The following ARHGAP26 variants were observed in gnomAD, a reference collection of about 807,000 sequenced individuals.
ARHGAP26 encodes the protein Rho GTPase activating protein 26.
A neutral mutation model predicts 104.8 loss-of-function variants in ARHGAP26; 38 were observed. The observed-to-expected ratio is 0.36, with a 90% CI of 0.28 to 0.48. The LOEUF (loss-of-function observed/expected upper bound fraction) is 0.48. Ranked by LOEUF, ARHGAP26 falls within the 20% of genes least tolerant of loss-of-function variation. The pLI is 0.99. For missense variants in ARHGAP26, 704 were observed against 947.9 expected (o/e 0.74, Z 3.38); for synonymous variants, 341 against 340.0 (o/e 1.00, Z -0.03).
intron 20 of ARHGAP26, among the ~76,000 whole-genome samples, chr5:143,196,351 G>A (rs558364198): frequency 2.1e-4 from 32 of 151,814 alleles, no homozygotes; most frequent in African/African-American, 6.3e-4. Context: ...CTTGTTTTTC[G>A]CGGTAGTCAT....
chr5:142,893,790 AGAT>A (rs1160285682), intron 5 of ARHGAP26, among the ~76,000 whole-genome samples: 1 of 152,196 alleles, frequency 6.6e-6, no homozygotes, highest in Non-Finnish European at 1.5e-5. Context: ...AACTGGCTTG[AGAT>A]GATATCTCAT....
At chr5:143,084,905 C>T (rs546885885) in intron 17 of ARHGAP26, among the ~76,000 whole-genome samples, 168 of 151,922 alleles carry the variant, frequency 1.1e-3, no homozygotes, top group African/African-American at 3.8e-3. Flanking sequence ...ATTAGCTGGG[C>T]GTGGTGGCGC....
At chr5:143,012,763 C>T (rs1779075118) in intron 11 of ARHGAP26, among the ~76,000 whole-genome samples, 1 of 149,866 alleles carries the variant, frequency 6.7e-6, no homozygotes, top group Non-Finnish European at 1.5e-5. Context: ...ATGCCATTCT[C>T]CTGCCTCAGC....
chr5:142,943,975 A>C (rs947146942), intron 11 of ARHGAP26, among the ~76,000 whole-genome samples: 2 of 152,190 alleles, frequency 1.3e-5, no homozygotes, highest in African/African-American at 4.8e-5. Flanking sequence ...TTTTGTTATT[A>C]AACAAAAATC....
intron 11 of ARHGAP26, among the ~76,000 whole-genome samples, chr5:142,953,134 C>T (rs1360574594): frequency 1.3e-5 from 2 of 152,174 alleles, no homozygotes; most frequent in South Asian, 4.1e-4. Context: ...AAAATGAACG[C>T]CCACACCAAC....
At chr5:143,002,611 T>C (rs1358335552) in intron 11 of ARHGAP26, among the ~76,000 whole-genome samples, 4 of 152,190 alleles carry the variant, frequency 2.6e-5, no homozygotes, top group Non-Finnish European at 5.9e-5. Context: ...CCTACATACA[T>C]GTCAGCTTGC....
At chr5:142,782,873 G>C (rs1757802084) in intron 1 of ARHGAP26, among the ~76,000 whole-genome samples, 1 of 152,180 alleles carries the variant, frequency 6.6e-6, no homozygotes. Flanking sequence ...GAGTGTCCTT[G>C]TAAGATAGTG....
At chr5:142,888,667 A>T (rs532674097) in intron 5 of ARHGAP26, among the ~76,000 whole-genome samples, 4 of 152,170 alleles carry the variant, frequency 2.6e-5, no homozygotes, top group Non-Finnish European at 5.9e-5. Context: ...CAGGGCAGTG[A>T]TGTGGAATGG....
At chr5:142,928,225 G>GTC (rs1389587730) in intron 10 of ARHGAP26, among the ~76,000 whole-genome samples, 19 of 135,500 alleles carry the variant, frequency 1.4e-4, no homozygotes, top group African/African-American at 5.0e-4. Flanking sequence ...CTTTTTGTGT[G>GTC]TGTGTGTTTT....
intron 17 of ARHGAP26, among the ~76,000 whole-genome samples, chr5:143,087,298 C>G (rs1280086693): frequency 6.6e-6 from 1 of 152,190 alleles, no homozygotes; most frequent in Non-Finnish European, 1.5e-5. Flanking sequence ...GCTATAAGAA[C>G]TTGGTTCTTT....
chr5:142,843,094 C>T (rs1459820249), intron 1 of ARHGAP26, among the ~76,000 whole-genome samples: 35 of 152,296 alleles, frequency 2.3e-4, no homozygotes, highest in Non-Finnish European at 1.5e-5. Flanking sequence ...TACTTATTTT[C>T]TGGGTTGCTT....
At chr5:142,928,980 C>T (rs948195445) in intron 10 of ARHGAP26, among the ~76,000 whole-genome samples, 6 of 152,264 alleles carry the variant, frequency 3.9e-5, no homozygotes, top group African/African-American at 9.6e-5. Context: ...GCTCTGTCGC[C>T]GGGCTGGAGT....
intron 17 of ARHGAP26, among the ~76,000 whole-genome samples, chr5:143,095,196 C>T (rs7723103): frequency 0.082 from 12,400 of 150,944 alleles, 929 homozygotes; most frequent in East Asian, 0.28. Context: ...TATACACAGT[C>T]ACATACAATT....
At chr5:143,159,597 G>A (rs114363252) in intron 20 of ARHGAP26, among the ~76,000 whole-genome samples, 8,468 of 152,198 alleles carry the variant, frequency 0.056, 307 homozygotes, top group Non-Finnish European at 0.077. Context: ...CAACATCTAG[G>A]CCCCTTCCCT....
chr5:143,165,859 C>T (rs1402244145), intron 20 of ARHGAP26, among the ~76,000 whole-genome samples: 3 of 152,200 alleles, frequency 2.0e-5, no homozygotes, highest in African/African-American at 4.8e-5. Flanking sequence ...TCCTTGCCCT[C>T]TATAAGCCTC....
intron 20 of ARHGAP26, among the ~76,000 whole-genome samples, chr5:143,196,876 A>G (rs1806926012): frequency 1.3e-5 from 2 of 152,196 alleles, no homozygotes; most frequent in South Asian, 2.1e-4. Context: ...GATGACCTCA[A>G]CAGCACCCCA....
chr5:143,213,248 A>G (rs1351673379), intron 21 of ARHGAP26, among the ~76,000 whole-genome samples: 4 of 152,212 alleles, frequency 2.6e-5, no homozygotes, highest in African/African-American at 9.7e-5. Flanking sequence ...TCGGATGCAC[A>G]GTGAGAGTGA....
intron 11 of ARHGAP26, among the ~76,000 whole-genome samples, chr5:142,945,303 A>G (rs1766940119): frequency 6.6e-6 from 1 of 152,198 alleles, no homozygotes; most frequent in South Asian, 2.1e-4. Flanking sequence ...CTCAGAGAAG[A>G]GATGGAAGAT....
chr5:142,999,252 A>G (rs1484408981), intron 11 of ARHGAP26, among the ~76,000 whole-genome samples: 2 of 152,206 alleles, frequency 1.3e-5, no homozygotes, highest in Non-Finnish European at 2.9e-5. Flanking sequence ...ATCATAGCTT[A>G]TAGATGGCCA....
Sources: allele counts gnomAD v4.1 joint callset (sites outside exome capture counted in the v4.1 genomes callset), GRCh38; gene constraint gnomAD v4.1.1; transcripts MANE v1.5; gene names NCBI Gene and HGNC (gene_info 2026-07-23, HGNC 2026-07-21).